Variants in MSH4 observed in about 807,000 individuals in gnomAD.
MSH4 encodes mutS homolog 4, also known as mutS protein homolog 4.
Under a neutral mutation model 113.7 loss-of-function variants are expected in MSH4, and 106 were observed. That is an observed-to-expected ratio of 0.93 (90% confidence interval 0.80 to 1.10). The LOEUF is 1.10. Among genes scored for constraint, MSH4 ranks in the 50% least tolerant of loss-of-function variants. The probability of loss-of-function intolerance (pLI) is 0.00; values close to 1 mark genes in which losing one functional copy is unlikely to be tolerated. For missense variants in MSH4, 1,061 were observed against 1,093.7 expected (o/e 0.97, Z 0.42); for synonymous variants, 368 against 380.2 (o/e 0.97, Z 0.37).
At chr1:75,830,083 GA>G (rs1224994345) in intron 7 of MSH4, among the ~76,000 whole-genome samples, 1 of 152,108 alleles carries the variant, frequency 6.6e-6, no homozygotes, top group African/African-American at 2.4e-5. Context: ...ACATTGTAGA[GA>G]AGTCCTTAAG....
intron 8 of MSH4, among the ~76,000 whole-genome samples, chr1:75,853,395 A>G (rs1050973343): frequency 6.6e-6 from 1 of 152,132 alleles, no homozygotes; most frequent in African/African-American, 2.4e-5. Flanking sequence ...TTCAGGTTAC[A>G]TAACATTGGC....
At position 75,899,597 on chromosome 1, in the gene MSH4, A is replaced by G. The variant is rs1436432014; in HGVS notation, c.2531-21A>G. 15 of 1,433,648 alleles carry G rather than the reference A, an allele frequency of 1.0e-5. No individual in the cohort carries two copies. In the East Asian group the frequency reaches 4.0e-4, roughly 38 times the overall value. The allele number at this position is 1,433,648 out of a possible 1,614,324, so 88.8% of individuals were successfully genotyped here. A position where few individuals can be genotyped will look rare whatever the true frequency, so the allele number is the denominator to read the frequency against. ...CCAGCAGTAACAATATTGAAGCCAA[A>G]TTTAAAACAAATAATTCTAGGATTA... On this transcript the variant is annotated intron_variant, in intron 18 of 19. Transcript: ENST00000263187.
intron 12 of MSH4, among the ~76,000 whole-genome samples, chr1:75,879,809 A>G (rs751495442): frequency 4.6e-5 from 7 of 152,184 alleles, no homozygotes; most frequent in Non-Finnish European, 8.8e-5. Flanking sequence ...GTCATCCCAG[A>G]TGAACTAGGT....
chr1:75,871,073 G>C (rs940516745), intron 9 of MSH4, among the ~76,000 whole-genome samples: 3 of 152,152 alleles, frequency 2.0e-5, no homozygotes, highest in Non-Finnish European at 2.9e-5. Context: ...GTTCAGTATG[G>C]CTGGGTAGGC....
At chr1:75,826,581 C>G (rs1465243585) in intron 7 of MSH4, among the ~76,000 whole-genome samples, 1 of 152,028 alleles carries the variant, frequency 6.6e-6, no homozygotes, top group African/African-American at 2.4e-5. Context: ...CTTTTCCACT[C>G]TCTGATGTGG....
chr1:75,875,033 C>T (rs1434826248), intron 9 of MSH4, among the ~76,000 whole-genome samples: 2 of 152,172 alleles, frequency 1.3e-5, no homozygotes, highest in Admixed American at 6.5e-5. Flanking sequence ...GCTGGGACCA[C>T]AGGCACGCAC....
At chr1:75,823,438 C>T (rs112814157) in intron 7 of MSH4, among the ~76,000 whole-genome samples, 1 of 152,144 alleles carries the variant, frequency 6.6e-6, no homozygotes, top group Non-Finnish European at 1.5e-5. Flanking sequence ...CAGTCACCAA[C>T]AGGCATATTG....
chr1:75,891,383 TACCTTAAAA>T (rs1652249459), intron 17 of MSH4, among the ~76,000 whole-genome samples: 1 of 152,190 alleles, frequency 6.6e-6, no homozygotes, highest in Non-Finnish European at 1.5e-5. Context: ...TTATTTAAGA[TACCTTAAAA>T]TGTCCCTAAG....
intron 1 of MSH4, among the ~76,000 whole-genome samples, chr1:75,798,932 A>G (rs958106228): frequency 1.3e-5 from 2 of 152,182 alleles, no homozygotes; most frequent in African/African-American, 4.8e-5. Context: ...AAATGATCTT[A>G]TCATGTCCCT....
intron 19 of MSH4, among the ~76,000 whole-genome samples, chr1:75,902,943 A>G (rs1010269178): frequency 6.7e-6 from 1 of 149,844 alleles, no homozygotes; most frequent in African/African-American, 2.4e-5. Context: ...TATTTTGCTT[A>G]ATTTGGTTGT....
Position 75,847,440 on chromosome 1 carries a change from A to T in MSH4, c.1163-769A>T, listed in dbSNP as rs144991741. On this transcript the variant is annotated intron_variant, in intron 7 of 19. Coordinates refer to ENST00000263187, the MANE Select transcript of MSH4 (RefSeq NM_002440.4). ...AGGATCTTTTAAATATCATGAAGAA[A>T]AGTAGAGATCAAAAAGATGAGAAGA... Among the ~76,000 whole-genome samples, 1,342 of 152,322 alleles carry T rather than the reference A, an allele frequency of 8.8e-3. 19 individuals carry two copies. The highest frequency in any genetic ancestry group is 0.031 in the African/African-American group (1,272 of 41,568).
At chr1:75,880,259 AT>A in intron 13 of MSH4, 106 bp downstream of exon 13, 1 of 622,896 alleles carries the variant, frequency 1.6e-6, no homozygotes, top group Non-Finnish European at 2.7e-6. Flanking sequence ...CAATTGTAGA[AT>A]TATGCATGTT....
chr1:75,854,306 C>T (rs866814772), intron 8 of MSH4, among the ~76,000 whole-genome samples: 1 of 151,910 alleles, frequency 6.6e-6, no homozygotes, highest in Admixed American at 6.6e-5. Flanking sequence ...CTCCCTCCCC[C>T]ATGCAGATAC....
chr1:75,876,907 C>G (rs200098805), intron 9 of MSH4, 29 bp from the exon 10 acceptor site: 1 of 1,302,010 alleles, frequency 7.7e-7, no homozygotes, highest in East Asian at 2.5e-5. Flanking sequence ...ATTGATTATC[C>G]TTAACTTTTT....
intron 18 of MSH4, among the ~76,000 whole-genome samples, 181 bp downstream of exon 18, chr1:75,898,262 T>C (rs1652427797): frequency 6.6e-6 from 1 of 152,032 alleles, no homozygotes; most frequent in Non-Finnish European, 1.5e-5. Context: ...TAGATATAGA[T>C]ATATAAATCT....
At chr1:75,815,699 T>C (rs1393218226) in intron 5 of MSH4, among the ~76,000 whole-genome samples, 2 of 152,168 alleles carry the variant, frequency 1.3e-5, no homozygotes, top group African/African-American at 4.8e-5. Flanking sequence ...ATAACATACT[T>C]CTCTGTACAT....
chr1:75,861,278 T>TC (rs1458299905), intron 8 of MSH4, among the ~76,000 whole-genome samples: 2 of 152,216 alleles, frequency 1.3e-5, no homozygotes, highest in Non-Finnish European at 2.9e-5. Flanking sequence ...GTCGTCAAAC[T>TC]CATTCTGCAT....
chr1:75,871,685 G>T (rs1651714849), intron 9 of MSH4, among the ~76,000 whole-genome samples: 1 of 152,166 alleles, frequency 6.6e-6, no homozygotes. Flanking sequence ...AATTGTGCTG[G>T]AAATGTTTGC....
chr1:75,881,045 A>G (rs886745199), intron 13 of MSH4, among the ~76,000 whole-genome samples: 5 of 152,002 alleles, frequency 3.3e-5, no homozygotes, highest in African/African-American at 1.2e-4. Flanking sequence ...CTTTGCCACT[A>G]AGTAGCTGTG....
Sources: allele counts gnomAD v4.1 joint callset (sites outside exome capture counted in the v4.1 genomes callset), GRCh38; gene constraint gnomAD v4.1.1; transcripts MANE v1.5; gene names NCBI Gene and HGNC (gene_info 2026-07-23, HGNC 2026-07-21).